Variants in CLNK observed in about 807,000 individuals in gnomAD.
CLNK encodes the protein cytokine dependent hematopoietic cell linker, also known as cytokine-dependent hematopoietic cell linker.
A neutral mutation model predicts 68.6 loss-of-function variants in CLNK; 74 were observed. That is an observed-to-expected ratio of 1.08 (90% CI 0.89 to 1.31). CLNK has a LOEUF of 1.31. Ranked by LOEUF, CLNK falls within the 50% of genes most tolerant of loss-of-function variation. CLNK has a pLI of 0.00. For synonymous variants in CLNK, 198 were observed against 172.2 expected, an observed-to-expected ratio of 1.15 and a Z score of -1.17; for missense variants, 553 against 515.3, an observed-to-expected ratio of 1.07 and a Z score of -0.71.
At chr4:10,508,507 T>C (rs1009262750) in intron 16 of CLNK, among the ~76,000 whole-genome samples, 1 of 152,128 alleles carries the variant, frequency 6.6e-6, no homozygotes, top group African/African-American at 2.4e-5. Context: ...GGATCCTAGT[T>C]TATCTAGCTT....
intron 1 of CLNK, among the ~76,000 whole-genome samples, chr4:10,679,146 T>C (rs1265098705): frequency 1.3e-5 from 2 of 152,184 alleles, no homozygotes; most frequent in African/African-American, 4.8e-5. Flanking sequence ...CAAAACAGCA[T>C]GGTACTGGTA....
intron 2 of CLNK, among the ~76,000 whole-genome samples, chr4:10,608,942 C>T (rs976720993): frequency 3.3e-5 from 5 of 152,216 alleles, no homozygotes; most frequent in African/African-American, 1.2e-4. Flanking sequence ...AAAAAATCAT[C>T]TCTCTTACAT....
chr4:10,623,130 A>C (rs185730844), intron 2 of CLNK, among the ~76,000 whole-genome samples: 1 of 152,228 alleles, frequency 6.6e-6, no homozygotes, highest in South Asian at 2.1e-4. Context: ...TTAATTAAAA[A>C]ATCTGCATTA....
chr4:10,599,693 G>A (rs1721517107), intron 2 of CLNK, among the ~76,000 whole-genome samples: 1 of 152,066 alleles, frequency 6.6e-6, no homozygotes, highest in African/African-American at 2.4e-5. Flanking sequence ...TGCTAATCTT[G>A]AGTCTTCCCA....
At chr4:10,515,814 A>G (rs983085549) in intron 15 of CLNK, among the ~76,000 whole-genome samples, 3 of 152,210 alleles carry the variant, frequency 2.0e-5, no homozygotes, top group African/African-American at 7.2e-5. Flanking sequence ...ATTATCTATT[A>G]TTTTCCAAGT....
chr4:10,727,456 G>A, the CLNK span, among the ~76,000 whole-genome samples: 1 of 152,170 alleles, frequency 6.6e-6, no homozygotes, highest in African/African-American at 2.4e-5. Context: ...ATTGGAGGGG[G>A]TCAGTCTAAT....
chr4:10,508,080 A>G, intron 16 of CLNK, 44 bp from the exon 17 acceptor site: 2 of 1,419,236 alleles, frequency 1.4e-6, no homozygotes. Flanking sequence ...GTCAATGGGA[A>G]GTATGAATTA....
intron 16 of CLNK, 144 bp from the exon 17 acceptor site, chr4:10,508,180 C>A: frequency 1.6e-6 from 1 of 606,798 alleles, no homozygotes; most frequent in East Asian, 3.1e-5. Flanking sequence ...AACATTTAGT[C>A]CCTGAACTTG....
chr4:10,703,149 G>T, the CLNK span, among the ~76,000 whole-genome samples: 2 of 152,204 alleles, frequency 1.3e-5, no homozygotes, highest in Admixed American at 6.5e-5. Flanking sequence ...TTGTGGGATT[G>T]TTAGTGATAA....
At chr4:10,592,900 A>AT (rs559074208) in intron 3 of CLNK, among the ~76,000 whole-genome samples, 6,043 of 151,650 alleles carry the variant, frequency 0.04, 175 homozygotes, top group Middle Eastern at 0.099. Flanking sequence ...TAATTTTTGT[A>AT]TTTTTTAGTA....
intron 2 of CLNK, among the ~76,000 whole-genome samples, chr4:10,650,185 C>T (rs1248797357): frequency 6.6e-6 from 1 of 152,020 alleles, no homozygotes; most frequent in African/African-American, 2.4e-5. Context: ...TATGTAAATC[C>T]TTAAAATGCA....
At chr4:10,556,232 A>T (rs1352572264) in intron 8 of CLNK, among the ~76,000 whole-genome samples, 1 of 152,212 alleles carries the variant, frequency 6.6e-6, no homozygotes, top group African/African-American at 2.4e-5. Flanking sequence ...TTGTAATGGG[A>T]AATTCATACC....
chr4:10,680,971 G>A (rs1725073656), intron 1 of CLNK, among the ~76,000 whole-genome samples: 1 of 151,172 alleles, frequency 6.6e-6, no homozygotes, highest in African/African-American at 2.4e-5. Context: ...ACTTGCCCAT[G>A]AGTGAGGACG....
rs1470118945 is a variant in CLNK at position 10,584,913 on chromosome 4, G to C, written c.112+14C>G. ...ACATTCCCACCACTTAGGTGACAGA[G>C]AGCCCCGACTCACCTGTGGCACTAT... On this transcript the variant is annotated intron_variant, in intron 4 of 18. Transcript: ENST00000226951. 1.2e-6 allele frequency: 2 copies of C among 1,613,554 alleles called. No homozygotes were observed. Among genetic ancestry groups the C allele is most frequent in the Non-Finnish European group, 8.5e-7 (1 of 1,179,676 alleles).
chr4:10,696,631 G>C, the CLNK span, among the ~76,000 whole-genome samples: 1 of 152,184 alleles, frequency 6.6e-6, no homozygotes, highest in South Asian at 2.1e-4. Flanking sequence ...CCACAAGAAA[G>C]TGAAATGGAA....
At chr4:10,610,038 T>G (rs1227552861) in intron 2 of CLNK, among the ~76,000 whole-genome samples, 1 of 1,628 alleles carries the variant, frequency 6.1e-4, no homozygotes, top group Non-Finnish European at 0.011. Flanking sequence ...TGCTCGTTTT[T>G]TTTTTTTTTT....
At chr4:10,591,640 C>T (rs898765527) in intron 3 of CLNK, among the ~76,000 whole-genome samples, 1 of 152,236 alleles carries the variant, frequency 6.6e-6, no homozygotes, top group African/African-American at 2.4e-5. Context: ...TGGACCTGTC[C>T]TATCCGAGCA....
intron 3 of CLNK, among the ~76,000 whole-genome samples, chr4:10,593,098 C>G (rs1577153058): frequency 6.6e-6 from 1 of 152,176 alleles, no homozygotes; most frequent in African/African-American, 2.4e-5. Flanking sequence ...ATTTTCTTCC[C>G]TGCATCCTCT....
chr4:10,696,148 A>C, the CLNK span, among the ~76,000 whole-genome samples: 74 of 152,032 alleles, frequency 4.9e-4, 1 homozygote, highest in African/African-American at 1.8e-3. Context: ...GAGCCACTGC[A>C]CCCAGCCCAG....
Sources: allele counts gnomAD v4.1 joint callset (sites outside exome capture counted in the v4.1 genomes callset), GRCh38; gene constraint gnomAD v4.1.1; transcripts MANE v1.5; gene names NCBI Gene and HGNC (gene_info 2026-07-23, HGNC 2026-07-21).